Variants in PI4KA observed in about 807,000 individuals in gnomAD.
The protein encoded by PI4KA is phosphatidylinositol 4-kinase alpha, also known as PI4-kinase alpha.
A neutral mutation model predicts 271.4 loss-of-function variants in PI4KA; 122 were observed. The ratio of observed to expected loss-of-function variants is 0.45; its 90% CI spans 0.39 to 0.52. The LOEUF is 0.52. Among genes scored for constraint, PI4KA ranks in the 20% least tolerant of loss-of-function variants. PI4KA has a pLI of 0.00. For synonymous variants in PI4KA, 1,041 were observed against 1,078.8 expected (o/e 0.96, Z 0.69); for missense variants, 1,969 against 2,769.1 (o/e 0.71, Z 6.48).
intron 7 of PI4KA, among the ~76,000 whole-genome samples, chr22:20,814,349 T>C (rs1013326622): frequency 6.6e-6 from 1 of 152,202 alleles, no homozygotes; most frequent in Admixed American, 6.5e-5. Context: ...TGGGGAATAA[T>C]TGATGTATAG....
rs1290471284 is a variant in PI4KA, at chr22:20,784,361, CT to C, written c.2328+8831del. 3 of 1,383,956 alleles carry C rather than the reference CT, an allele frequency of 2.2e-6. No homozygotes were observed. In the East Asian group the frequency reaches 7.3e-5, roughly 34 times the overall value. The allele number at this position is 1,383,956 out of a possible 1,614,324, so 85.7% of individuals were successfully genotyped here. A position where few individuals can be genotyped will look rare whatever the true frequency, so the allele number is the denominator to read the frequency against. Reference sequence around the variant, plus strand: ...AGAATTATGTACAAGTACCCAAGAACTTCCATACAGGGCCACTCTGTTAATT... The same window carrying C: ...AGAATTATGTACAAGTACCCAAGAACTCCATACAGGGCCACTCTGTTAATT... On this transcript the variant is annotated intron_variant, in intron 19 of 54. Coordinates refer to ENST00000255882, the MANE Select transcript of PI4KA (RefSeq NM_058004.4).
intron 23 of PI4KA, among the ~76,000 whole-genome samples, chr22:20,757,302 CA>C (rs1931416805): frequency 1.3e-5 from 2 of 152,262 alleles, no homozygotes; most frequent in South Asian, 4.1e-4. Context: ...ACGCTCAGAA[CA>C]AAAATAATCA....
In PI4KA at chr22:20,765,131, T is replaced by A; in HGVS notation, c.2543A>T (p.Asn848Ile). Residue 848 changes from asparagine to isoleucine, a missense_variant, in exon 21 of 55, where the codon AAC becomes ATC. Asn to Ile is a moderately radical substitution (Grantham distance 149). Coordinates refer to ENST00000255882, the MANE Select transcript of PI4KA (RefSeq NM_058004.4). The part of the protein sequence containing the change: ...KEPLRSVLQY[N>I]SAMKNDTVTP... Reference sequence around the variant, plus strand: ...GACCGTGTCATTCTTCATGGCTGAGTTATACTGGAGGACGGACCGCAGTGG... The same window carrying A: ...GACCGTGTCATTCTTCATGGCTGAGATATACTGGAGGACGGACCGCAGTGG... 6.2e-7 allele frequency: 1 copy of A among 1,613,606 alleles called. No individual in the cohort carries two copies. Among genetic ancestry groups the A allele is most frequent in the Non-Finnish European group, 8.5e-7 (1 of 1,179,788 alleles).
chr22:20,717,853 C>T, intron 44 of PI4KA, 75 bp from the exon 45 acceptor site: 2 of 1,091,868 alleles, frequency 1.8e-6, no homozygotes, highest in East Asian at 5.2e-5. Context: ...AGGGCCCCTC[C>T]TGCCTGGATT....
intron 32 of PI4KA, among the ~76,000 whole-genome samples, chr22:20,738,469 C>G (rs1928994284): frequency 6.6e-6 from 1 of 152,174 alleles, no homozygotes; most frequent in Non-Finnish European, 1.5e-5. Flanking sequence ...GGTCCCAGAC[C>G]CCTGTAAGGA....
rs899185368 is a variant in PI4KA, at chr22:20,753,981, C to T, written c.2792-801G>A. ...GATTACAGGCGTGAGCCACCGTGTC[C>T]GGCCTGGATGTGCTCTTTCTGCATC... On this transcript the variant is annotated intron_variant, in intron 23 of 54. Coordinates refer to ENST00000255882, the MANE Select transcript of PI4KA (RefSeq NM_058004.4). Among the ~76,000 whole-genome samples the T allele has an allele frequency of 5.3e-5, 8 of 152,148 alleles. No homozygotes were observed. In the East Asian group the frequency reaches 9.7e-4, roughly 18 times the overall value.
At chr22:20,766,447 T>A (rs908625017) in intron 19 of PI4KA, among the ~76,000 whole-genome samples, 3 of 152,102 alleles carry the variant, frequency 2.0e-5, no homozygotes, top group Non-Finnish European at 1.5e-5. Context: ...GCAGATCACC[T>A]GAGGTCAGGA....
At position 20,858,810 on chromosome 22, in the gene PI4KA, C is replaced by T. The variant is rs1928019984; in HGVS notation, c.-85G>A. 1.5e-6 allele frequency: 2 copies of T among 1,357,352 alleles called. No individual in the cohort carries two copies. Among genetic ancestry groups the T allele is most frequent in the Non-Finnish European group, 1.9e-6 (2 of 1,055,068 alleles). 84.1% of individuals were successfully genotyped at this position (1,357,352 alleles called of 1,614,324 possible). A position where few individuals can be genotyped will look rare whatever the true frequency, so the allele number is the denominator to read the frequency against. On this transcript the variant is annotated 5_prime_UTR_variant, in exon 1 of 55. Transcript: ENST00000255882. The stretch of plus-strand genomic sequence containing the variant: ...CCTCAGGGCGCAGGCGTAGGTGCAT[C>T]CGGCTTTCCCGCCACGTGACCTCTC...
chr22:20,818,448 T>G, intron 7 of PI4KA, 35 bp downstream of exon 7: 1 of 1,505,838 alleles, frequency 6.6e-7, no homozygotes, highest in East Asian at 2.4e-5. Flanking sequence ...CTCCAAGTAT[T>G]ACGTCAAAAT....
rs1216235588 is a variant in PI4KA at position 20,709,366 on chromosome 22, G to C, written c.6187C>G (p.Pro2063Ala). ...TIKLLKHRFS[P>A]NMTEREAANF... ...GCAGCCTCGCGCTCAGTCATGTTGGGGCTAAACCTGTGCCTGGGGGAGAGG... is the reference window on the plus strand; with the variant it reads ...GCAGCCTCGCGCTCAGTCATGTTGGCGCTAAACCTGTGCCTGGGGGAGAGG... The change falls in exon 54 of 55, where the codon CCC (proline) becomes GCC (alanine). Residue 2063 changes from proline to alanine, a missense_variant. Transcript: ENST00000255882. 5.9e-6 allele frequency: 8 copies of C among 1,346,610 alleles called. No individual in the cohort carries two copies. In the Admixed American group the frequency reaches 1.3e-4, roughly 21 times the overall value. The allele number at this position is 1,346,610 out of a possible 1,614,324, so 83.4% of individuals were successfully genotyped here. A position where few individuals can be genotyped will look rare whatever the true frequency, so the allele number is the denominator to read the frequency against.
At chr22:20,724,878 G>A (rs1428680648) in intron 42 of PI4KA, among the ~76,000 whole-genome samples, 3 of 152,212 alleles carry the variant, frequency 2.0e-5, no homozygotes, top group Non-Finnish European at 4.4e-5. Flanking sequence ...GAGCCAGGGG[G>A]AAGGAAACAG....
At chr22:20,787,501 A>C (rs1193709243) in intron 19 of PI4KA, 1 of 270,062 alleles carries the variant, frequency 3.7e-6, no homozygotes, top group South Asian at 4.2e-5. Flanking sequence ...AGGAGGGTAC[A>C]CAACTAGCAC....
At chr22:20,729,122 A>C (rs1927696655) in intron 39 of PI4KA, among the ~76,000 whole-genome samples, 191 bp downstream of exon 39, 1 of 152,188 alleles carries the variant, frequency 6.6e-6, no homozygotes, top group African/African-American at 2.4e-5. Flanking sequence ...TGAAAAGATC[A>C]CGAGGGTTGC....
chr22:20,774,631 C>T (rs548191014), intron 19 of PI4KA, among the ~76,000 whole-genome samples: 53 of 151,972 alleles, frequency 3.5e-4, no homozygotes, highest in African/African-American at 8.4e-4. Context: ...CGTGGTGGCA[C>T]GCGCCTGTAA....
At chr22:20,807,330 T>C (rs1935720005) in intron 10 of PI4KA, 32 bp downstream of exon 10, 2 of 1,341,478 alleles carry the variant, frequency 1.5e-6, no homozygotes, top group East Asian at 4.6e-5. Flanking sequence ...AGTCTTGCTG[T>C]ACTCACAAAC....
At chr22:20,745,363 T>A (rs570999888) in intron 29 of PI4KA, among the ~76,000 whole-genome samples, 1 of 152,284 alleles carries the variant, frequency 6.6e-6, no homozygotes. Context: ...TTCCTGTTCA[T>A]CCACGGTCAC....
intron 29 of PI4KA, among the ~76,000 whole-genome samples, chr22:20,746,058 AGAAT>A (rs1568981727): frequency 9.3e-6 from 1 of 107,366 alleles, no homozygotes; most frequent in East Asian, 2.7e-4. Context: ...AAAAAAAAAA[AGAAT>A]TTTTTTTTTT....
chr22:20,790,605 G>A (rs1319554622), intron 19 of PI4KA, among the ~76,000 whole-genome samples: 2 of 151,880 alleles, frequency 1.3e-5, no homozygotes, highest in Non-Finnish European at 2.9e-5. Context: ...AAGTTGCAGT[G>A]AGCCAAAATC....
intron 45 of PI4KA, among the ~76,000 whole-genome samples, chr22:20,715,091 G>A (rs532085600): frequency 3.3e-5 from 5 of 149,648 alleles, no homozygotes; most frequent in African/African-American, 1.2e-4. Flanking sequence ...TTTTTTTTTG[G>A]ATAGAGTCTC....
Sources: gnomAD v4.1 joint callset for allele counts (sites outside exome capture counted in the v4.1 genomes callset) on GRCh38, gnomAD v4.1.1 for gene constraint, MANE v1.5 for transcripts, NCBI Gene and HGNC (gene_info 2026-07-23, HGNC 2026-07-21) for gene names.